Variants in MDM1 observed in about 807,000 individuals in gnomAD.
The protein encoded by MDM1 is stabilizer of axonemal microtubules 6.
In MDM1, 61 loss-of-function variants were observed where a neutral mutation model predicts 89.1. The observed-to-expected ratio is 0.68, with a 90% CI of 0.56 to 0.85. The LOEUF (loss-of-function observed/expected upper bound fraction) is 0.85, where lower values mean the gene tolerates loss of function less well. MDM1 is among the 40% of genes least tolerant of loss of function. MDM1 has a pLI of 0.00. For synonymous variants in MDM1, 290 were observed against 294.1 expected (o/e 0.99, Z 0.14); for missense variants, 820 against 846.5 (o/e 0.97, Z 0.39).
chr12:68,321,641 T>C lies in MDM1; in HGVS notation c.802-13A>G. 1 of 1,552,992 alleles carries C rather than the reference T, an allele frequency of 6.4e-7. No individual in the cohort carries two copies. Among genetic ancestry groups the C allele is most frequent in the East Asian group, 2.2e-5 (1 of 44,536 alleles). On this transcript the variant is annotated splice_polypyrimidine_tract_variant and intron_variant, in intron 5 of 14. Transcript: ENST00000682720. ...CTATTTTATTACTCTGAAATGGAAATCATTTAAGCTTTTTATGCTTAAGAT... is the reference window on the plus strand; with the variant it reads ...CTATTTTATTACTCTGAAATGGAAACCATTTAAGCTTTTTATGCTTAAGAT...
intron 7 of MDM1, chr12:68,321,088 T>C (rs1232969570): frequency 8.6e-6 from 3 of 348,216 alleles, no homozygotes; most frequent in Non-Finnish European, 1.5e-5. Context: ...AAATTGACTA[T>C]TAACACAATC....
intron 14 of MDM1, among the ~76,000 whole-genome samples, chr12:68,296,319 G>A (rs1205564768): frequency 6.6e-6 from 1 of 152,162 alleles, no homozygotes; most frequent in Non-Finnish European, 1.5e-5. Context: ...CCAACATGGT[G>A]AAACCCCATC....
At chr12:68,295,402 C>A in intron 14 of MDM1, 36 bp from the exon 15 acceptor site, 2 of 1,233,614 alleles carry the variant, frequency 1.6e-6, no homozygotes, top group Non-Finnish European at 2.3e-6. Context: ...TATTCATTGC[C>A]AAAAATATCT....
At chr12:68,328,762 A>G (rs1282347912) in intron 2 of MDM1, among the ~76,000 whole-genome samples, 1 of 152,168 alleles carries the variant, frequency 6.6e-6, no homozygotes, top group African/African-American at 2.4e-5. Flanking sequence ...CAGCACCAGC[A>G]AATCCCCAGG....
At chr12:68,313,215 T>C (rs967200710) in intron 12 of MDM1, among the ~76,000 whole-genome samples, 1 of 152,218 alleles carries the variant, frequency 6.6e-6, no homozygotes. Flanking sequence ...GCTTTCTTTA[T>C]CTTCCTATTG....
At chr12:68,309,195 C>T (rs1873352255) in intron 12 of MDM1, among the ~76,000 whole-genome samples, 1 of 152,256 alleles carries the variant, frequency 6.6e-6, no homozygotes, top group Non-Finnish European at 1.5e-5. Flanking sequence ...ACCAGGCTCC[C>T]TGCCACACAC....
Position 68,332,212 on chromosome 12 carries a change from G to A in MDM1, c.18+16C>T, listed in dbSNP as rs373852491. On this transcript the variant is annotated intron_variant, in intron 1 of 14. Coordinates refer to ENST00000682720, the MANE Select transcript of MDM1 (RefSeq NM_001354969.2). ...CTCCCCCCAGCCACATTCCGGCCCG[G>A]GGACCCCAGCCTCACCTTGAAGCGC... 533 of 1,558,670 alleles carry A rather than the reference G, an allele frequency of 3.4e-4. 1 individual carries two copies. In the African/African-American group the frequency reaches 4.9e-3, roughly 14 times the overall value.
rs1232199720 is a variant in MDM1 at position 68,323,429 on chromosome 12, T to C, written c.634-189A>G. 11 of 467,288 alleles carry C rather than the reference T, an allele frequency of 2.4e-5. No individual in the cohort carries two copies. In the Admixed American group the frequency reaches 4.3e-4, roughly 18 times the overall value. 28.9% of individuals were successfully genotyped at this position (467,288 alleles called of 1,614,324 possible). A position where few individuals can be genotyped will look rare whatever the true frequency, so the allele number is the denominator to read the frequency against. ...AACTTTATGTACTCATTACTATGTT[T>C]TGAATAACAGTTTTGTAATCAAAAT... On this transcript the variant is annotated intron_variant, in intron 4 of 14. Transcript: ENST00000682720.
At chr12:68,296,363 T>C (rs766796439) in intron 14 of MDM1, among the ~76,000 whole-genome samples, 5 of 152,180 alleles carry the variant, frequency 3.3e-5, no homozygotes, top group Non-Finnish European at 7.3e-5. Context: ...CCGGGTGTGG[T>C]AGCGGATGCC....
At chr12:68,317,563 A>C (rs1874663029) in intron 7 of MDM1, among the ~76,000 whole-genome samples, 1 of 152,212 alleles carries the variant, frequency 6.6e-6, no homozygotes, top group Non-Finnish European at 1.5e-5. Flanking sequence ...ATAAGAAACC[A>C]TATAATCCCA....
chr12:68,324,002 C>CA (rs922948388), intron 4 of MDM1, among the ~76,000 whole-genome samples: 3 of 152,074 alleles, frequency 2.0e-5, no homozygotes, highest in Non-Finnish European at 4.4e-5. Flanking sequence ...ATGAAATGAA[C>CA]AACCCTTTTA....
At position 68,316,208 on chromosome 12, in the gene MDM1, G is replaced by T. The variant is rs763627946; in HGVS notation, c.1081C>A (p.Gln361Lys). Reference sequence around the variant, plus strand: ...TGGTCCCGAGAAAAATGCGTCCCCTGAACTCGCTTCCTATAAAACTCAGCC... The same window carrying T: ...TGGTCCCGAGAAAAATGCGTCCCCTTAACTCGCTTCCTATAAAACTCAGCC... ...EKAEFYRKRV[Q>K]GTHFSRDHLN... The change falls in exon 9 of 15, where the codon CAG becomes AAG. Residue 361 changes from glutamine (Q) to lysine (K), a missense_variant. Coordinates refer to ENST00000682720, the MANE Select transcript of MDM1 (RefSeq NM_001354969.2). The T allele has an allele frequency of 4.3e-6, 7 of 1,613,876 alleles. No individual in the cohort carries two copies. Among genetic ancestry groups the T allele is most frequent in the African/African-American group, 1.3e-5 (1 of 74,900 alleles).
intron 4 of MDM1, chr12:68,325,037 T>C (rs567020704): frequency 4.6e-5 from 45 of 978,868 alleles, no homozygotes; most frequent in Non-Finnish European, 5.5e-5. Flanking sequence ...TTATTAAATA[T>C]TCAAAGCAGT....
At chr12:68,315,790 A>G (rs1010978427) in intron 9 of MDM1, among the ~76,000 whole-genome samples, 23 of 152,152 alleles carry the variant, frequency 1.5e-4, no homozygotes, top group Non-Finnish European at 2.9e-5. Context: ...TACCTTCTAA[A>G]GGTCTTTTTA....
chr12:68,329,044 C>T (rs1876413458), intron 2 of MDM1, among the ~76,000 whole-genome samples: 1 of 152,174 alleles, frequency 6.6e-6, no homozygotes, highest in Admixed American at 6.5e-5. Flanking sequence ...GGACAACTAC[C>T]CAGTTTAATG....
rs141447767 is a variant in MDM1 at position 68,297,903 on chromosome 12, G to A, written c.2003-921C>T. Among the ~76,000 whole-genome samples the A allele has an allele frequency of 5.9e-3, 894 of 152,156 alleles. 11 individuals are homozygous for A. Among genetic ancestry groups the A allele is most frequent in the African/African-American group, 0.021 (855 of 41,514 alleles). ...AAATCTTTTTAAAAAACTAACAGAC[G>A]GCATGTGGAGAGTCAAAGAGCAGAC... is the stretch of plus-strand genomic sequence containing the variant. On this transcript the variant is annotated intron_variant, in intron 13 of 14. Coordinates refer to ENST00000682720, the MANE Select transcript of MDM1 (RefSeq NM_001354969.2).
chr12:68,327,244 C>CA, intron 2 of MDM1: 1 of 1,403,670 alleles, frequency 7.1e-7, no homozygotes, highest in Non-Finnish European at 9.2e-7. Context: ...TTGACCATAA[C>CA]AAAAAATTAA....
rs1462476047 is a variant in MDM1 at position 68,302,669 on chromosome 12, GGGATGCCAGTA to G, written c.1942_1952del (p.Tyr648LeufsTer9). 1 of 1,613,876 alleles carries G rather than the reference GGGATGCCAGTA, an allele frequency of 6.2e-7. No homozygotes were observed. Among genetic ancestry groups the G allele is most frequent in the South Asian group, 1.1e-5 (1 of 91,068 alleles). The stretch of plus-strand genomic sequence containing the variant: ...TAAGAGAGCCCTGAATTCGTCGAGA[GGGATGCCAGTA>G]GGATGGAACATGTGGTGGAGAAGGC... On this transcript the variant is annotated frameshift_variant, in exon 13 of 15. Coordinates refer to ENST00000682720, the MANE Select transcript of MDM1 (RefSeq NM_001354969.2). LOFTEE classifies it high-confidence loss of function.
intron 2 of MDM1, chr12:68,330,797 G>T (rs1876683428): frequency 7.0e-6 from 2 of 287,076 alleles, no homozygotes; most frequent in Non-Finnish European, 1.3e-5. Flanking sequence ...CAGCCTTTGT[G>T]TAAGGGCACT....
Sources: gnomAD v4.1 joint callset for allele counts (sites outside exome capture counted in the v4.1 genomes callset) on GRCh38, gnomAD v4.1.1 for gene constraint, MANE v1.5 for transcripts, NCBI Gene and HGNC (gene_info 2026-07-23, HGNC 2026-07-21) for gene names.